Variants in MROH7 observed in about 807,000 individuals in gnomAD.
MROH7 encodes the protein maestro heat-like repeat-containing protein family member 7.
MROH7 carries 113 observed loss-of-function variants against 129.2 expected under a neutral mutation model. That is an observed-to-expected ratio of 0.87 (90% CI 0.75 to 1.02). The LOEUF is 1.02. Among genes scored for constraint, MROH7 ranks in the 50% least tolerant of loss-of-function variants. The pLI, the probability that MROH7 is intolerant of heterozygous loss-of-function variation, is 0.00. For missense variants in MROH7, 1,601 were observed against 1,671.3 expected (o/e 0.96, Z 0.73); for synonymous variants, 655 against 667.9 (o/e 0.98, Z 0.30).
At chr1:54,645,818 A>C (rs900022200) in intron 1 of MROH7, among the ~76,000 whole-genome samples, 2 of 151,200 alleles carry the variant, frequency 1.3e-5, no homozygotes, top group Non-Finnish European at 2.9e-5. Flanking sequence ...ACACCTGGCT[A>C]ATTTTTGTAT....
At chr1:54,655,015 A>ATTTG (rs1644620909) in intron 3 of MROH7, among the ~76,000 whole-genome samples, 1 of 136,426 alleles carries the variant, frequency 7.3e-6, no homozygotes, top group Admixed American at 7.4e-5. Context: ...TGAGAATCCT[A>ATTTG]TTTTTTTTTT....
At chr1:54,662,111 T>C (rs1364681230) in intron 3 of MROH7, among the ~76,000 whole-genome samples, 3 of 151,702 alleles carry the variant, frequency 2.0e-5, no homozygotes, top group African/African-American at 4.8e-5. Flanking sequence ...TGCCAACTAG[T>C]TGGGAGGCTG....
chr1:54,673,271 C>T (rs1254658051), intron 8 of MROH7, 85 bp downstream of exon 8: 12 of 1,007,318 alleles, frequency 1.2e-5, no homozygotes, highest in African/African-American at 3.2e-5. Context: ...GGAGGCCAGA[C>T]CTAGGAGTGA....
In MROH7 at chr1:54,706,475, A is replaced by G; in HGVS notation, c.3605A>G (p.Gln1202Arg). 1 of 1,613,402 alleles carries G rather than the reference A, an allele frequency of 6.2e-7. No individual in the cohort carries two copies. The highest frequency in any genetic ancestry group is 8.5e-7 in the Non-Finnish European group (1 of 1,179,944). ...HRDSAFIFLSQSLEYAKNSRA... is the reference protein window; with the variant it reads ...HRDSAFIFLSRSLEYAKNSRA... ...GACAGCGCCTTCATATTCCTCAGCC[A>G]GAGCCTGGAGTATGCCAAGAACTCA... Residue 1202 changes from glutamine to arginine, a missense_variant, in exon 22 of 24, where the codon CAG becomes CGG. Transcript: ENST00000421030.
intron 15 of MROH7, among the ~76,000 whole-genome samples, chr1:54,690,602 C>T (rs1416402171): frequency 6.6e-6 from 1 of 152,064 alleles, no homozygotes; most frequent in Non-Finnish European, 1.5e-5. Context: ...CGCCACCACG[C>T]CCGGCTAATT....
At chr1:54,691,976 T>TG (rs113154895) in intron 15 of MROH7, among the ~76,000 whole-genome samples, 1 of 151,276 alleles carries the variant, frequency 6.6e-6, no homozygotes, top group African/African-American at 2.4e-5. Context: ...TTCTGGAGCT[T>TG]GACAAGCACT....
At chr1:54,700,847 G>A (rs896393893) in intron 18 of MROH7, among the ~76,000 whole-genome samples, 2 of 152,196 alleles carry the variant, frequency 1.3e-5, no homozygotes, top group Admixed American at 6.5e-5. Context: ...GAAAGGACAG[G>A]ACATAGACTC....
intron 5 of MROH7, 150 bp downstream of exon 5, chr1:54,669,087 C>T: frequency 1.6e-6 from 1 of 619,056 alleles, no homozygotes; most frequent in Admixed American, 2.7e-5. Context: ...GTCTCAGCTC[C>T]ACCTCGAACT....
rs545216139 is a variant in MROH7, at chr1:54,653,283, G to A, written c.357G>A (p.Gly119=). The A allele has an allele frequency of 1.9e-6, 3 of 1,614,166 alleles. No homozygotes were observed. The highest frequency in any genetic ancestry group is 3.3e-5 in the Admixed American group (2 of 60,020). The change falls in exon 3 of 24, where the codon GGG becomes GGA. Residue 119 remains glycine (G), a synonymous_variant. Transcript: ENST00000421030. ...SKDVSRPDSQ[G]RLCPASNPIL... Reference sequence around the variant, plus strand: ...ATGTCTCAAGGCCTGACTCACAGGGGCGCCTCTGTCCAGCCTCAAACCCCA... The same window carrying A: ...ATGTCTCAAGGCCTGACTCACAGGGACGCCTCTGTCCAGCCTCAAACCCCA...
In MROH7 at chr1:54,706,610, G is replaced by T. The variant is rs911616400; in HGVS notation, c.3667+73G>T. On this transcript the variant is annotated intron_variant, in intron 22 of 23. Transcript: ENST00000421030. ...TCTCCAGTTTGTTTCCTCCCAGGCT[G>T]CTAGCCCTTTCAGCACCTGGGGGGA... The T allele has an allele frequency of 4.0e-5, 47 of 1,184,570 alleles. No individual in the cohort carries two copies. In the Middle Eastern group the frequency reaches 5.8e-4, roughly 15 times the overall value. 73.4% of individuals were successfully genotyped at this position (1,184,570 alleles called of 1,614,324 possible).
chr1:54,652,115 C>A (rs367669685), intron 2 of MROH7, 132 bp downstream of exon 2: 1 of 152,500 alleles, frequency 6.6e-6, no homozygotes, highest in East Asian at 1.9e-4. Flanking sequence ...GCCCTATGGT[C>A]TCCTCCACAG....
At chr1:54,707,530 A>G (rs1570008228) in intron 22 of MROH7, among the ~76,000 whole-genome samples, 1 of 152,198 alleles carries the variant, frequency 6.6e-6, no homozygotes, top group African/African-American at 2.4e-5. Context: ...AACATGATCA[A>G]TGCTGGTGCA....
chr1:54,708,963 T>C, intron 22 of MROH7, 51 bp from the exon 23 acceptor site: 1 of 1,210,744 alleles, frequency 8.3e-7, no homozygotes, highest in South Asian at 1.3e-5. Flanking sequence ...TGGGTTGGGG[T>C]GGGGTCGACG....
At chr1:54,688,745 G>A (rs1164930194) in intron 15 of MROH7, among the ~76,000 whole-genome samples, 1 of 152,204 alleles carries the variant, frequency 6.6e-6, no homozygotes, top group Non-Finnish European at 1.5e-5. Context: ...GCTCGTAGGT[G>A]CCGCCCTGAG....
At chr1:54,676,316 C>A (rs1179010960) in intron 10 of MROH7, among the ~76,000 whole-genome samples, 1 of 152,162 alleles carries the variant, frequency 6.6e-6, no homozygotes, top group Non-Finnish European at 1.5e-5. Flanking sequence ...TGGCTCATTG[C>A]AGCCTCAACC....
At chr1:54,663,988 A>G in intron 3 of MROH7, 1 of 322,450 alleles carries the variant, frequency 3.1e-6, no homozygotes, top group South Asian at 2.6e-5. Context: ...CCTCAGAAGG[A>G]GAAAGATCCT....
At chr1:54,700,009 A>G in intron 17 of MROH7, 1 of 633,238 alleles carries the variant, frequency 1.6e-6, no homozygotes, top group Non-Finnish European at 2.9e-6. Flanking sequence ...GCTTGGTTGG[A>G]AGCTGGCTGG....
chr1:54,671,299 C>T (rs1335244555), intron 7 of MROH7, among the ~76,000 whole-genome samples: 1 of 152,144 alleles, frequency 6.6e-6, no homozygotes, highest in East Asian at 1.9e-4. Flanking sequence ...ACTCAGGAGG[C>T]TGAGGCATGA....
intron 1 of MROH7, among the ~76,000 whole-genome samples, chr1:54,649,391 C>A (rs910316333): frequency 1.3e-5 from 2 of 152,262 alleles, no homozygotes; most frequent in African/African-American, 4.8e-5. Flanking sequence ...TCCTTTAGCT[C>A]CTGTAGATCC....
Sources: gnomAD v4.1 joint callset for allele counts (sites outside exome capture counted in the v4.1 genomes callset) on GRCh38, gnomAD v4.1.1 for gene constraint, MANE v1.5 for transcripts, NCBI Gene and HGNC (gene_info 2026-07-23, HGNC 2026-07-21) for gene names.